UCHL3: variants seen among roughly 807,000 people sequenced by gnomAD.
The protein encoded by UCHL3 is ubiquitin carboxyl-terminal hydrolase isozyme L3.
UCHL3 carries 22 observed loss-of-function variants against 35.8 expected under a neutral mutation model. The ratio of observed to expected loss-of-function variants is 0.61; its 90% CI spans 0.44 to 0.88. The LOEUF (loss-of-function observed/expected upper bound fraction) is 0.88, where lower values mean the gene tolerates loss of function less well. Ranked by LOEUF, UCHL3 falls within the 40% of genes least tolerant of loss-of-function variation. The probability of loss-of-function intolerance (pLI) is 0.00; values close to 1 mark genes in which losing one functional copy is unlikely to be tolerated. For synonymous variants in UCHL3, 90 were observed against 92.8 expected (o/e 0.97, Z 0.17); for missense variants, 229 against 276.9 (o/e 0.83, Z 1.23).
At position 75,549,853 on chromosome 13, in the gene UCHL3, C is replaced by G. The variant is rs1286766954; in HGVS notation, c.33C>G (p.Ala11=). The G allele has an allele frequency of 1.9e-6, 3 of 1,606,138 alleles. No homozygotes were observed. The South Asian group carries it at 3.3e-5, about 18-fold the overall frequency. The change falls in exon 1 of 9, where the codon GCC becomes GCG. Residue 11 remains alanine, a synonymous_variant. Transcript: ENST00000377595. MEGQRWLPLE[A]NPEVTNQFLK... ...GTCAACGCTGGCTGCCGCTGGAGGC[C>G]AATCCCGAGGTGGGCGCGCTTCGGG...
At chr13:75,563,125 CTTTATGTATGTATGTATGTATGTA>C (rs1438056788) in intron 3 of UCHL3, among the ~76,000 whole-genome samples, 3 of 146,162 alleles carry the variant, frequency 2.1e-5, no homozygotes, top group African/African-American at 5.4e-5. Context: ...CCTCATTATC[CTTTATGTATGTATGTATGTATGTA>C]TGTATGTATG....
At chr13:75,561,875 A>G (rs538745635) in intron 3 of UCHL3, among the ~76,000 whole-genome samples, 14 of 151,138 alleles carry the variant, frequency 9.3e-5, no homozygotes, top group African/African-American at 3.4e-4. Context: ...ATACATACGT[A>G]TATACGTATA....
At chr13:75,601,170 T>A (rs2032774309) in intron 7 of UCHL3, among the ~76,000 whole-genome samples, 1 of 152,220 alleles carries the variant, frequency 6.6e-6, no homozygotes, top group Non-Finnish European at 1.5e-5. Context: ...TTTCTTGAGA[T>A]GGAATCTACT....
intron 6 of UCHL3, among the ~76,000 whole-genome samples, chr13:75,572,337 AT>A (rs1433072488): frequency 6.6e-6 from 1 of 152,126 alleles, no homozygotes; most frequent in African/African-American, 2.4e-5. Flanking sequence ...GCTATTTCAT[AT>A]TCTCTTTCAT....
At chr13:75,604,867 T>C in intron 8 of UCHL3, 40 bp downstream of exon 8, 1 of 1,543,886 alleles carries the variant, frequency 6.5e-7, no homozygotes, top group Admixed American at 1.9e-5. Context: ...ATCAATATTT[T>C]GTCATCTTTA....
intron 2 of UCHL3, among the ~76,000 whole-genome samples, chr13:75,552,979 G>A (rs968301479): frequency 7.2e-5 from 11 of 152,106 alleles, no homozygotes; most frequent in African/African-American, 2.4e-4. Flanking sequence ...TGATTTTATT[G>A]AGGAGGCAAA....
In UCHL3 at chr13:75,590,067, T is replaced by C. The variant is rs753063819; in HGVS notation, c.475-4848T>C. On this transcript the variant is annotated intron_variant, in intron 6 of 8. Transcript: ENST00000377595. ...AGGCCCTGCAAAGGCTACCAGTCCA[T>C]CTCTCCGTCTTCGTCGCTGGCGACC... 1.7e-5 allele frequency: 22 copies of C among 1,304,442 alleles called. No homozygotes were observed. The African/African-American group carries it at 2.9e-4, about 17-fold the overall frequency. The allele number at this position is 1,304,442 out of a possible 1,614,324, so 80.8% of individuals were successfully genotyped here.
chr13:75,563,875 G>A (rs1424580053), intron 3 of UCHL3, among the ~76,000 whole-genome samples: 1 of 151,578 alleles, frequency 6.6e-6, no homozygotes. Context: ...GTTCATCCAT[G>A]TAGCAAATGT....
Position 75,605,709 on chromosome 13 carries a change from C to CTT in UCHL3, c.610-11_610-10dup. 3 of 1,460,084 alleles carry CTT rather than the reference C, an allele frequency of 2.1e-6. No individual in the cohort carries two copies. The highest frequency in any genetic ancestry group is 3.7e-5 in the Admixed American group (2 of 54,790). 90.4% of individuals were successfully genotyped at this position (1,460,084 alleles called of 1,614,324 possible). On this transcript the variant is annotated intron_variant, in intron 8 of 8. Transcript: ENST00000377595. ...AACACTTTTACACTGAAAAATCATA[C>CTT]TTTTTTTTTTCCTCCATAGGATGCC... is the stretch of plus-strand genomic sequence containing the variant.
At chr13:75,556,597 T>C (rs999085325) in intron 2 of UCHL3, among the ~76,000 whole-genome samples, 1 of 152,194 alleles carries the variant, frequency 6.6e-6, no homozygotes, top group African/African-American at 2.4e-5. Context: ...GTTATTTGAC[T>C]GTCACCTAAA....
At chr13:75,558,471 C>T (rs1203458957) in intron 2 of UCHL3, among the ~76,000 whole-genome samples, 2 of 152,120 alleles carry the variant, frequency 1.3e-5, no homozygotes, top group Non-Finnish European at 2.9e-5. Context: ...TTGTATGTAC[C>T]ATCGTGTTTT....
At chr13:75,604,954 T>C in intron 8 of UCHL3, 127 bp downstream of exon 8, 1 of 738,858 alleles carries the variant, frequency 1.4e-6, no homozygotes, top group African/African-American at 1.8e-5. Context: ...CTCTAGAAAA[T>C]CCAAAAAGAA....
chr13:75,564,618 A>T (rs1392988474), intron 3 of UCHL3, among the ~76,000 whole-genome samples: 2 of 152,186 alleles, frequency 1.3e-5, no homozygotes, highest in African/African-American at 4.8e-5. Flanking sequence ...CCAACAGTGC[A>T]CTTGGGTTCC....
chr13:75,595,849 A>G (rs1261550644), intron 7 of UCHL3, among the ~76,000 whole-genome samples: 3 of 151,732 alleles, frequency 2.0e-5, no homozygotes, highest in Non-Finnish European at 4.4e-5. Context: ...AGGAGATCAC[A>G]TAATTTACTC....
intron 3 of UCHL3, among the ~76,000 whole-genome samples, chr13:75,564,182 G>A (rs773877872): frequency 4.3e-4 from 64 of 150,324 alleles, no homozygotes; most frequent in Non-Finnish European, 8.0e-4. Context: ...ATGGAGTCTC[G>A]CTCTGTTGCC....
rs1223683007 is a variant in UCHL3 at position 75,605,735 on chromosome 13, A to G, written c.616A>G (p.Ile206Val). 3 of 1,613,912 alleles carry G rather than the reference A, an allele frequency of 1.9e-6. No homozygotes were observed. Among genetic ancestry groups the G allele is most frequent in the Non-Finnish European group, 2.5e-6 (3 of 1,179,952 alleles). ...TSDETLLEDAIEVCKKFMERD... is the reference protein window; with the variant it reads ...TSDETLLEDAVEVCKKFMERD... ...TTTTTTTTTTCCTCCATAGGATGCCATAGAAGTTTGCAAGAAGTTTATGGA... is the reference window on the plus strand; with the variant it reads ...TTTTTTTTTTCCTCCATAGGATGCCGTAGAAGTTTGCAAGAAGTTTATGGA... The change falls in exon 9 of 9, where the codon ATA becomes GTA. Residue 206 changes from isoleucine to valine, a missense_variant. Physicochemically the swap from Ile to Val is conservative, Grantham distance 29 (BLOSUM62 3). Coordinates refer to ENST00000377595, the MANE Select transcript of UCHL3 (RefSeq NM_006002.5).
rs1044947023 is a variant in UCHL3 at position 75,596,176 on chromosome 13, C to T, written c.550+1186C>T. 9.9e-5 allele frequency among the ~76,000 whole-genome samples: 15 copies of T among 152,168 alleles called. No homozygotes were observed. In the South Asian group the frequency reaches 1.0e-3, roughly 11 times the overall value. Reference sequence around the variant, plus strand: ...TGTGTTTGGAATATTAGCAACAGATCGCATACTTTATTAAAAAGAAATGGC... The same window carrying T: ...TGTGTTTGGAATATTAGCAACAGATTGCATACTTTATTAAAAAGAAATGGC... On this transcript the variant is annotated intron_variant, in intron 7 of 8. Transcript: ENST00000377595.
At chr13:75,592,437 T>TATATAC (rs1566227995) in intron 6 of UCHL3, among the ~76,000 whole-genome samples, 2 of 59,242 alleles carry the variant, frequency 3.4e-5, no homozygotes, top group Non-Finnish European at 7.1e-5. Flanking sequence ...TATATATATA[T>TATATAC]ATATATATAT....
intron 6 of UCHL3, among the ~76,000 whole-genome samples, chr13:75,584,080 C>T (rs559082369): frequency 2.6e-5 from 4 of 152,164 alleles, no homozygotes; most frequent in Non-Finnish European, 2.9e-5. Context: ...GACCTTGAGA[C>T]AGAAAACCTT....
Sources: gnomAD v4.1 joint callset for allele counts (sites outside exome capture counted in the v4.1 genomes callset) on GRCh38, gnomAD v4.1.1 for gene constraint, MANE v1.5 for transcripts, NCBI Gene and HGNC (gene_info 2026-07-23, HGNC 2026-07-21) for gene names.